Variants in NCAM2 observed in about 807,000 individuals in gnomAD.
NCAM2 encodes neural cell adhesion molecule 2, also known as N-CAM-2.
NCAM2 carries 30 observed loss-of-function variants against 98.1 expected under a neutral mutation model. The ratio of observed to expected loss-of-function variants is 0.31; its 90% CI spans 0.23 to 0.41. NCAM2 has a LOEUF of 0.41. Among genes scored for constraint, NCAM2 ranks in the 10% least tolerant of loss-of-function variants. The pLI, the probability that NCAM2 is intolerant of heterozygous loss-of-function variation, is 1.00. For missense variants in NCAM2, 867 were observed against 1,005.8 expected (o/e 0.86, Z 1.87); for synonymous variants, 368 against 342.4 (o/e 1.07, Z -0.83).
chr21:21,303,262 A>G (rs2073779219), intron 5 of NCAM2, among the ~76,000 whole-genome samples: 1 of 152,084 alleles, frequency 6.6e-6, no homozygotes, highest in African/African-American at 2.4e-5. Flanking sequence ...TCAGAAGTGG[A>G]AATGAAAACA....
chr21:21,056,314 T>G (rs977019242), intron 1 of NCAM2, among the ~76,000 whole-genome samples: 1 of 152,106 alleles, frequency 6.6e-6, no homozygotes, highest in African/African-American at 2.4e-5. Context: ...CCTATTGGAA[T>G]AAATGAGCAA....
At chr21:21,252,647 T>G (rs2071517639) in intron 1 of NCAM2, among the ~76,000 whole-genome samples, 1 of 152,174 alleles carries the variant, frequency 6.6e-6, no homozygotes, top group Non-Finnish European at 1.5e-5. Flanking sequence ...CAAATGAAGC[T>G]ATTTCCACAC....
At position 21,040,093 on chromosome 21, in the gene NCAM2, C is replaced by T. The variant is rs144359500; in HGVS notation, c.55+41475C>T. 3.4e-3 allele frequency among the ~76,000 whole-genome samples: 515 copies of T among 152,210 alleles called. 5 individuals are homozygous for T. Among genetic ancestry groups the T allele is most frequent in the East Asian group, 9.9e-3 (51 of 5,176 alleles). ...TATTTTAATTTCTGTCATACCACAA[C>T]GTTATTTACTCCTCTTACTAGGCTA... On this transcript the variant is annotated intron_variant, in intron 1 of 17. Transcript: ENST00000400546.
intron 16 of NCAM2, among the ~76,000 whole-genome samples, chr21:21,513,940 TA>T (rs1291017925): frequency 1.3e-5 from 2 of 152,050 alleles, no homozygotes; most frequent in Non-Finnish European, 2.9e-5. Flanking sequence ...TATCATTTTA[TA>T]ATGACCTTAT....
intron 2 of NCAM2, among the ~76,000 whole-genome samples, chr21:21,283,713 A>T (rs1015696248): frequency 6.6e-6 from 1 of 151,890 alleles, no homozygotes; most frequent in African/African-American, 2.4e-5. Context: ...TGGTTTTGTG[A>T]AAGATTTACA....
At chr21:21,114,213 G>T (rs552184792) in intron 1 of NCAM2, among the ~76,000 whole-genome samples, 18 of 152,266 alleles carry the variant, frequency 1.2e-4, no homozygotes, top group African/African-American at 4.1e-4. Flanking sequence ...AGTTTTAGCA[G>T]AAAGATGTGG....
intron 1 of NCAM2, among the ~76,000 whole-genome samples, chr21:21,072,619 C>A (rs995986893): frequency 6.6e-6 from 1 of 152,014 alleles, no homozygotes; most frequent in African/African-American, 2.4e-5. Context: ...GATCTGAAAA[C>A]GTTTCATTGA....
intron 9 of NCAM2, among the ~76,000 whole-genome samples, chr21:21,390,165 T>A (rs2076352211): frequency 6.6e-6 from 1 of 152,162 alleles, no homozygotes; most frequent in Non-Finnish European, 1.5e-5. Flanking sequence ...TTTTTTTTTA[T>A]ATTGACTACG....
chr21:21,014,032 G>A (rs2064259375), intron 1 of NCAM2, among the ~76,000 whole-genome samples: 1 of 152,192 alleles, frequency 6.6e-6, no homozygotes, highest in Non-Finnish European at 1.5e-5. Flanking sequence ...GAGAAGAGAA[G>A]TCAATGCTTG....
intron 17 of NCAM2, among the ~76,000 whole-genome samples, chr21:21,536,274 C>T (rs1989977508): frequency 6.6e-6 from 1 of 151,898 alleles, no homozygotes; most frequent in Non-Finnish European, 1.5e-5. Context: ...TTACCCTTCT[C>T]ATTCAAAAAT....
chr21:21,290,996 C>T (rs2073270525), intron 4 of NCAM2, among the ~76,000 whole-genome samples: 1 of 20,378 alleles, frequency 4.9e-5, no homozygotes, highest in Non-Finnish European at 8.9e-5. Flanking sequence ...TTTTCCTAAC[C>T]TCATAATCAA....
intron 5 of NCAM2, among the ~76,000 whole-genome samples, chr21:21,299,850 T>A (rs533520352): frequency 3.3e-5 from 5 of 152,042 alleles, no homozygotes; most frequent in African/African-American, 1.2e-4. Flanking sequence ...AGGACCAACA[T>A]CCATGGGATA....
At chr21:21,308,547 A>G (rs2073951086) in intron 5 of NCAM2, among the ~76,000 whole-genome samples, 1 of 151,914 alleles carries the variant, frequency 6.6e-6, no homozygotes, top group Non-Finnish European at 1.5e-5. Context: ...ATTCTTAGAG[A>G]TTTTTGCTTT....
chr21:21,447,106 C>A (rs979691937), intron 12 of NCAM2, among the ~76,000 whole-genome samples: 2 of 151,940 alleles, frequency 1.3e-5, no homozygotes, highest in Non-Finnish European at 2.9e-5. Context: ...CAATCCTAAG[C>A]AAAAAGAACA....
rs747514011 is a variant in NCAM2, at chr21:21,155,720, T to G, written c.56-124858T>G. Among the ~76,000 whole-genome samples the G allele has an allele frequency of 2.0e-5, 3 of 151,976 alleles. No individual in the cohort carries two copies. In the East Asian group the frequency reaches 5.8e-4, roughly 29 times the overall value. On this transcript the variant is annotated intron_variant, in intron 1 of 17. Transcript: ENST00000400546. Reference sequence around the variant, plus strand: ...CGTATACACAAGAGTTTCAGATAATTTAAACATAATTTGTGTAATTGCAGC... The same window carrying G: ...CGTATACACAAGAGTTTCAGATAATGTAAACATAATTTGTGTAATTGCAGC...
In NCAM2 at chr21:21,324,564, G is replaced by T. The variant is rs1425783137; in HGVS notation, c.737+64G>T. 5.5e-6 allele frequency: 6 copies of T among 1,088,360 alleles called. No homozygotes were observed. In the African/African-American group the frequency reaches 6.3e-5, roughly 12 times the overall value. The allele number at this position is 1,088,360 out of a possible 1,614,324, so 67.4% of individuals were successfully genotyped here. ...TATCAGGCTTATGGAACAGTATTGG[G>T]GATCTTAATCATTTTGGTAAAAAGC... On this transcript the variant is annotated intron_variant, in intron 6 of 17. Coordinates refer to ENST00000400546, the MANE Select transcript of NCAM2 (RefSeq NM_004540.5).
intron 15 of NCAM2, among the ~76,000 whole-genome samples, chr21:21,489,634 A>T (rs1053997503): frequency 2.0e-5 from 3 of 152,184 alleles, no homozygotes; most frequent in Admixed American, 2.0e-4. Context: ...AAATCTGCAT[A>T]TTTCAAATAA....
chr21:21,123,366 T>C (rs1474011722), intron 1 of NCAM2, among the ~76,000 whole-genome samples: 4 of 150,814 alleles, frequency 2.7e-5, no homozygotes, highest in East Asian at 3.9e-4. Flanking sequence ...CACTGCACTC[T>C]AGCCTGGGAG....
chr21:21,123,894 T>C (rs1170445266), intron 1 of NCAM2, among the ~76,000 whole-genome samples: 1 of 128,272 alleles, frequency 7.8e-6, no homozygotes, highest in East Asian at 2.7e-4. Flanking sequence ...GTCGCCAGGC[T>C]ACAGTGCAGT....
Sources: allele counts gnomAD v4.1 joint callset (sites outside exome capture counted in the v4.1 genomes callset), GRCh38; gene constraint gnomAD v4.1.1; transcripts MANE v1.5; gene names NCBI Gene and HGNC (gene_info 2026-07-23, HGNC 2026-07-21).